Variants in KCND3 observed in about 807,000 individuals in gnomAD.
KCND3 encodes the protein A-type voltage-gated potassium channel KCND3.
A neutral mutation model predicts 51.1 loss-of-function variants in KCND3; 9 were observed. That is an observed-to-expected ratio of 0.18 (90% CI 0.11 to 0.31). The LOEUF (loss-of-function observed/expected upper bound fraction) is 0.31. Among genes scored for constraint, KCND3 ranks in the 10% least tolerant of loss-of-function variants. The pLI is 1.00. For missense variants in KCND3, 526 were observed against 903.8 expected (o/e 0.58, Z 5.36); for synonymous variants, 349 against 368.0 (o/e 0.95, Z 0.59).
At chr1:111,835,670 C>T (rs770039061) in intron 2 of KCND3, among the ~76,000 whole-genome samples, 2 of 152,196 alleles carry the variant, frequency 1.3e-5, no homozygotes, top group Admixed American at 6.5e-5. Flanking sequence ...TGGCAACATC[C>T]GGAAGTTACC....
rs184518643 is a variant in KCND3 at position 111,984,534 on chromosome 1, C to T, written c.-72-1736G>A. 4.7e-3 allele frequency among the ~76,000 whole-genome samples: 721 copies of T among 152,314 alleles called. 5 individuals are homozygous for T. Among genetic ancestry groups the T allele is most frequent in the Non-Finnish European group, 6.4e-3 (435 of 68,024 alleles). ...GGCCTTCTTGTCTCTCACTCTCACA[C>T]CCCACCCGGTTTCTCCTATTCCCCT... is the stretch of plus-strand genomic sequence containing the variant. On this transcript the variant is annotated intron_variant, in intron 1 of 7. Transcript: ENST00000302127.
chr1:111,937,955 C>A (rs116177837), intron 2 of KCND3, among the ~76,000 whole-genome samples: 1,570 of 152,318 alleles, frequency 0.01, 23 homozygotes, highest in African/African-American at 0.036. Context: ...CCTTCAGTGA[C>A]CCCTTGTTGC....
intron 2 of KCND3, among the ~76,000 whole-genome samples, chr1:111,943,312 C>T (rs1672616451): frequency 6.6e-6 from 1 of 152,226 alleles, no homozygotes; most frequent in African/African-American, 2.4e-5. Context: ...AGCTCCTTCT[C>T]CATGGAGCGC....
chr1:111,865,016 G>T (rs1490106534), intron 2 of KCND3, among the ~76,000 whole-genome samples: 1 of 152,174 alleles, frequency 6.6e-6, no homozygotes, highest in Non-Finnish European at 1.5e-5. Context: ...AGGCATGTTC[G>T]AGGAACAGCC....
chr1:111,938,962 C>A (rs1469278418), intron 2 of KCND3, among the ~76,000 whole-genome samples: 1 of 152,174 alleles, frequency 6.6e-6, no homozygotes, highest in Non-Finnish European at 1.5e-5. Context: ...ACCCCAACTG[C>A]CTAGGTCATT....
intron 2 of KCND3, among the ~76,000 whole-genome samples, chr1:111,815,889 C>CG (rs1180779924): frequency 6.6e-6 from 1 of 152,048 alleles, no homozygotes; most frequent in East Asian, 1.9e-4. Context: ...ATGTTCCCCC[C>CG]CCACACAAAA....
chr1:111,808,235 A>G (rs897332387), intron 2 of KCND3, among the ~76,000 whole-genome samples: 4 of 152,252 alleles, frequency 2.6e-5, no homozygotes, highest in Non-Finnish European at 5.9e-5. Flanking sequence ...AGTCTTAAAA[A>G]AAACACTGCT....
intron 6 of KCND3, among the ~76,000 whole-genome samples, chr1:111,777,803 G>A (rs376826977): frequency 2.6e-5 from 4 of 152,180 alleles, no homozygotes; most frequent in African/African-American, 7.2e-5. Context: ...AAACTGTCAC[G>A]GATAGGGTTT....
chr1:111,797,167 T>G (rs1196803504), intron 2 of KCND3, among the ~76,000 whole-genome samples: 2 of 152,216 alleles, frequency 1.3e-5, no homozygotes, highest in Non-Finnish European at 2.9e-5. Flanking sequence ...GCATTCTAAG[T>G]TCCTAGGCAT....
At chr1:111,857,135 T>TC (rs1361681482) in intron 2 of KCND3, among the ~76,000 whole-genome samples, 1 of 152,224 alleles carries the variant, frequency 6.6e-6, no homozygotes, top group Admixed American at 6.5e-5. Context: ...TAAGTGAACA[T>TC]CTGTAAAACG....
intron 2 of KCND3, among the ~76,000 whole-genome samples, chr1:111,791,854 TAA>T (rs1664843306): frequency 6.6e-6 from 1 of 152,148 alleles, no homozygotes; most frequent in Admixed American, 6.6e-5. Context: ...GGACCTGGTT[TAA>T]AAAGAGTCTC....
intron 2 of KCND3, among the ~76,000 whole-genome samples, chr1:111,831,409 T>C (rs1407907193): frequency 6.6e-6 from 1 of 152,040 alleles, no homozygotes; most frequent in African/African-American, 2.4e-5. Context: ...GTGTAGCACC[T>C]CCCCCAACCT....
At chr1:111,921,990 T>A (rs1443584966) in intron 2 of KCND3, among the ~76,000 whole-genome samples, 3 of 152,304 alleles carry the variant, frequency 2.0e-5, no homozygotes, top group South Asian at 2.1e-4. Context: ...ATTTAAAAAA[T>A]TTTAACGCTA....
intron 2 of KCND3, among the ~76,000 whole-genome samples, chr1:111,920,280 G>C (rs1380951906): frequency 6.6e-6 from 1 of 152,206 alleles, no homozygotes; most frequent in Non-Finnish European, 1.5e-5. Context: ...CGTGAGTCCT[G>C]ACCTGGGGGA....
At chr1:111,832,894 T>C (rs1666904382) in intron 2 of KCND3, among the ~76,000 whole-genome samples, 3 of 152,126 alleles carry the variant, frequency 2.0e-5, no homozygotes, top group Admixed American at 1.3e-4. Context: ...CCATCTCTCC[T>C]CCCTCCTCCA....
intron 2 of KCND3, among the ~76,000 whole-genome samples, chr1:111,854,561 G>A (rs534804183): frequency 6.6e-6 from 1 of 152,212 alleles, no homozygotes; most frequent in East Asian, 1.9e-4. Flanking sequence ...GCAAGGAAAG[G>A]CAGGCGTCGG....
chr1:111,961,043 G>A (rs761656961), intron 2 of KCND3, among the ~76,000 whole-genome samples: 4 of 152,204 alleles, frequency 2.6e-5, no homozygotes, highest in African/African-American at 7.2e-5. Context: ...CTCTTGTCCC[G>A]GAGAAGAGAG....
intron 2 of KCND3, among the ~76,000 whole-genome samples, chr1:111,832,498 C>T (rs78264109): frequency 1.4e-4 from 22 of 152,316 alleles, no homozygotes; most frequent in African/African-American, 5.3e-4. Context: ...CCCATTATCT[C>T]ACTCCCTTTC....
chr1:111,846,054 C>T (rs1349933054), intron 2 of KCND3, among the ~76,000 whole-genome samples: 1 of 152,172 alleles, frequency 6.6e-6, no homozygotes. Flanking sequence ...ACTTCTCTGG[C>T]CCTGCTCCTT....
Sources: allele counts gnomAD v4.1 joint callset (sites outside exome capture counted in the v4.1 genomes callset), GRCh38; gene constraint gnomAD v4.1.1; transcripts MANE v1.5; gene names NCBI Gene and HGNC (gene_info 2026-07-23, HGNC 2026-07-21).